PRKACB: variants seen among roughly 807,000 people sequenced by gnomAD.
PRKACB encodes the protein protein kinase cAMP-activated catalytic subunit beta.
A neutral mutation model predicts 51.4 loss-of-function variants in PRKACB; 16 were observed. The observed-to-expected ratio is 0.31, with a 90% CI of 0.21 to 0.47. The LOEUF is 0.47. PRKACB is among the 20% of genes least tolerant of loss of function. PRKACB has a pLI of 1.00. For synonymous variants in PRKACB, 147 were observed against 154.4 expected, an observed-to-expected ratio of 0.95 and a Z score of 0.35; for missense variants, 309 against 464.5, an observed-to-expected ratio of 0.67 and a Z score of 3.08.
chr1:84,204,584 A>G (rs1292458702), intron 8 of PRKACB: 1 of 1,437,252 alleles, frequency 7.0e-7, no homozygotes, highest in Non-Finnish European at 9.3e-7. Flanking sequence ...AGAGGACTAA[A>G]GGTCATATGA....
chr1:84,125,676 A>G (rs1278541623), intron 1 of PRKACB, among the ~76,000 whole-genome samples: 2 of 152,212 alleles, frequency 1.3e-5, no homozygotes, highest in South Asian at 2.1e-4. Flanking sequence ...GTTAAAGAAA[A>G]TTTAAACCAT....
chr1:84,191,317 A>T (rs1380542961), intron 5 of PRKACB, among the ~76,000 whole-genome samples: 1 of 151,966 alleles, frequency 6.6e-6, no homozygotes, highest in Admixed American at 6.6e-5. Flanking sequence ...TCTTAGATGG[A>T]ATTTTTTTTC....
At chr1:84,089,936 T>C (rs562975920) in intron 1 of PRKACB, among the ~76,000 whole-genome samples, 1 of 152,294 alleles carries the variant, frequency 6.6e-6, no homozygotes, top group South Asian at 2.1e-4. Flanking sequence ...GTCCCAAAAT[T>C]CCTTTGCACA....
At chr1:84,153,618 C>T (rs1655099434) in intron 1 of PRKACB, among the ~76,000 whole-genome samples, 1 of 152,122 alleles carries the variant, frequency 6.6e-6, no homozygotes, top group African/African-American at 2.4e-5. Flanking sequence ...TTCTCTACTT[C>T]TGCGATTTTG....
chr1:84,235,254 T>C lies in PRKACB; in HGVS notation c.1146T>C (p.Asp382=). ...ACTTTGATGACTATGAAGAAGAAGA[T>C]ATCCGTGTCTCTATAACAGAAAAAT... The part of the protein sequence containing the change: ...TSNFDDYEEE[D]IRVSITEKCA... The change falls in exon 10 of 10, where the codon GAT becomes GAC. Residue 382 remains aspartate, a synonymous_variant. Coordinates refer to ENST00000370685, the MANE Select transcript of PRKACB (RefSeq NM_182948.4). 5 of 1,614,108 alleles carry C rather than the reference T, an allele frequency of 3.1e-6. No individual in the cohort carries two copies. Among genetic ancestry groups the C allele is most frequent in the Non-Finnish European group, 4.2e-6 (5 of 1,179,932 alleles).
intron 9 of PRKACB, among the ~76,000 whole-genome samples, chr1:84,216,355 A>G (rs932348146): frequency 6.6e-6 from 1 of 152,094 alleles, no homozygotes; most frequent in Non-Finnish European, 1.5e-5. Context: ...ATAAATAAAT[A>G]AATAAAGATT....
chr1:84,214,950 A>G (rs1321649183), intron 9 of PRKACB, among the ~76,000 whole-genome samples: 1 of 152,246 alleles, frequency 6.6e-6, no homozygotes, highest in East Asian at 1.9e-4. Flanking sequence ...ACTGATGTGA[A>G]GCCACATTAG....
At chr1:84,210,695 G>T (rs530834024) in intron 8 of PRKACB, among the ~76,000 whole-genome samples, 36 of 152,132 alleles carry the variant, frequency 2.4e-4, no homozygotes, top group African/African-American at 8.2e-4. Context: ...AGTTTTAAAG[G>T]AAAAATTAGA....
Position 84,238,357 on chromosome 1 carries a change from GT to G in PRKACB, c.*3053del, listed in dbSNP as rs1553193945. On this transcript the variant is annotated 3_prime_UTR_variant, in exon 10 of 10. Transcript: ENST00000370685. The stretch of plus-strand genomic sequence containing the variant: ...TAACCTATCAATGTAAAATGTTAAG[GT>G]GTGTTGTTATTTCATTAATTACTTC... 6.6e-6 allele frequency: 1 copy of G among 152,556 alleles called. No homozygotes were observed. Among genetic ancestry groups the G allele is most frequent in the Non-Finnish European group, 1.5e-5 (1 of 68,012 alleles). 9.5% of individuals were successfully genotyped at this position (152,556 alleles called of 1,614,324 possible). A position where few individuals can be genotyped will look rare whatever the true frequency, so the allele number is the denominator to read the frequency against.
chr1:84,126,611 A>G (rs1651637192), intron 1 of PRKACB, among the ~76,000 whole-genome samples: 1 of 152,112 alleles, frequency 6.6e-6, no homozygotes, highest in Admixed American at 6.5e-5. Context: ...GAAAACAGGA[A>G]TGCATGTTCT....
At chr1:84,174,863 C>T (rs768970416) in intron 1 of PRKACB, among the ~76,000 whole-genome samples, 1 of 151,620 alleles carries the variant, frequency 6.6e-6, no homozygotes, top group Non-Finnish European at 1.5e-5. Context: ...ATTTCTTTAC[C>T]ATTTAATTTG....
chr1:84,078,216 C>A, exon 1 of PRKACB: 1 of 1,277,572 alleles, frequency 7.8e-7, no homozygotes, highest in Non-Finnish European at 1.1e-6. Flanking sequence ...GCTAGGCGCA[C>A]TCACCGCTCT....
chr1:84,175,890 C>A (rs1454733757), intron 1 of PRKACB: 3 of 1,101,974 alleles, frequency 2.7e-6, no homozygotes, highest in Middle Eastern at 2.6e-4. Context: ...AAAATGTATA[C>A]TTTTGGGAAT....
At chr1:84,216,442 A>G (rs750000400) in intron 9 of PRKACB, among the ~76,000 whole-genome samples, 16 of 152,242 alleles carry the variant, frequency 1.1e-4, no homozygotes, top group Non-Finnish European at 1.8e-4. Context: ...TGTGAATGCA[A>G]TACAGCCTAT....
chr1:84,199,614 C>A (rs560953986), intron 7 of PRKACB, among the ~76,000 whole-genome samples: 1 of 152,126 alleles, frequency 6.6e-6, no homozygotes, highest in African/African-American at 2.4e-5. Flanking sequence ...AATGAATAAA[C>A]AAATGCATGT....
rs1301972813 is a variant in PRKACB at position 84,197,712 on chromosome 1, C to A, written c.688-17C>A. 9 of 1,550,780 alleles carry A rather than the reference C, an allele frequency of 5.8e-6. No individual in the cohort carries two copies. The highest frequency in any genetic ancestry group is 8.0e-6 in the Non-Finnish European group (9 of 1,130,868). On this transcript the variant is annotated splice_polypyrimidine_tract_variant and intron_variant, in intron 6 of 9. Coordinates refer to ENST00000370685, the MANE Select transcript of PRKACB (RefSeq NM_182948.4). Reference sequence around the variant, plus strand: ...GAGGTAATACATTTTCACTAGTATTCTTTTTTTCTTTTATAGGTCACAGAC... The same window carrying A: ...GAGGTAATACATTTTCACTAGTATTATTTTTTTCTTTTATAGGTCACAGAC...
chr1:84,130,189 C>CAAAAAAAAAAAA, intron 1 of PRKACB, among the ~76,000 whole-genome samples: 1 of 56,182 alleles, frequency 1.8e-5, no homozygotes, highest in Non-Finnish European at 3.2e-5. Flanking sequence ...GACTCCGTCT[C>CAAAAAAAAAAAA]AAAAAAAAAA....
intron 9 of PRKACB, among the ~76,000 whole-genome samples, chr1:84,234,699 T>G (rs1676436928): frequency 4.6e-5 from 7 of 152,196 alleles, no homozygotes; most frequent in Admixed American, 4.6e-4. Context: ...TGTCACCCCT[T>G]TCTTTGACTA....
chr1:84,191,785 A>G (rs1033986797), intron 5 of PRKACB, among the ~76,000 whole-genome samples: 2 of 152,104 alleles, frequency 1.3e-5, no homozygotes, highest in African/African-American at 4.8e-5. Flanking sequence ...GGATCATCCA[A>G]TATGCCCATG....
Sources: gnomAD v4.1 joint callset for allele counts (sites outside exome capture counted in the v4.1 genomes callset) on GRCh38, gnomAD v4.1.1 for gene constraint, MANE v1.5 for transcripts, NCBI Gene and HGNC (gene_info 2026-07-23, HGNC 2026-07-21) for gene names.